KCNT2: variants seen among roughly 807,000 people sequenced by gnomAD.
KCNT2 encodes the protein potassium channel subfamily T member 2.
Under a neutral mutation model 153.8 loss-of-function variants are expected in KCNT2, and 67 were observed. The ratio of observed to expected loss-of-function variants is 0.44; its 90% CI spans 0.36 to 0.53. KCNT2 has a LOEUF of 0.53. Among genes scored for constraint, KCNT2 ranks in the 20% least tolerant of loss-of-function variants. The probability of loss-of-function intolerance (pLI) is 0.00; values close to 1 mark genes in which losing one functional copy is unlikely to be tolerated. For missense variants in KCNT2, 975 were observed against 1,354.8 expected (o/e 0.72, Z 4.40); for synonymous variants, 500 against 458.8 (o/e 1.09, Z -1.15).
chr1:196,575,752 CG>C (rs988983939), intron 1 of KCNT2, among the ~76,000 whole-genome samples: 1 of 151,362 alleles, frequency 6.6e-6, no homozygotes, highest in African/African-American at 2.4e-5. Flanking sequence ...CTAAGGCTGG[CG>C]GATCACCTGA....
chr1:196,227,996 A>G lies in KCNT2; in HGVS notation c.*228T>C. Reference sequence around the variant, plus strand: ...GTCAGATTTAAATTTTTGTATTTTAATTTAGCTTTTCAAATTTATTCCATT... The same window carrying G: ...GTCAGATTTAAATTTTTGTATTTTAGTTTAGCTTTTCAAATTTATTCCATT... On this transcript the variant is annotated 3_prime_UTR_variant, in exon 28 of 28. Transcript: ENST00000294725. 1 of 343,756 alleles carries G rather than the reference A, an allele frequency of 2.9e-6. No individual in the cohort carries two copies. The highest frequency in any genetic ancestry group is 5.2e-6 in the Non-Finnish European group (1 of 191,982). 21.3% of individuals were successfully genotyped at this position (343,756 alleles called of 1,614,324 possible).
intron 25 of KCNT2, among the ~76,000 whole-genome samples, chr1:196,266,174 T>G (rs1225033892): frequency 6.6e-6 from 1 of 152,182 alleles, no homozygotes; most frequent in Admixed American, 6.5e-5. Context: ...AATGGTGTTG[T>G]GCCTCTACAA....
rs181117211 is a variant in KCNT2, at chr1:196,514,767, G to T, written c.96-22426C>A. ...GATAGTTGATTTATTTCTATTTTTT[G>T]ATGCTTTTCATATACTTATTAATGA... On this transcript the variant is annotated intron_variant, in intron 1 of 27. Transcript: ENST00000294725. Among the ~76,000 whole-genome samples the T allele has an allele frequency of 2.1e-3, 304 of 146,796 alleles. 1 individual carries two copies. Among genetic ancestry groups the T allele is most frequent in the African/African-American group, 7.6e-3 (278 of 36,710 alleles).
intron 14 of KCNT2, among the ~76,000 whole-genome samples, chr1:196,355,179 A>G (rs1667071527): frequency 6.6e-6 from 1 of 151,660 alleles, no homozygotes; most frequent in Admixed American, 6.6e-5. Context: ...CAGAATATCT[A>G]GAAAGAAAAG....
intron 1 of KCNT2, among the ~76,000 whole-genome samples, chr1:196,498,237 C>A (rs1487522531): frequency 1.3e-5 from 2 of 152,092 alleles, no homozygotes; most frequent in African/African-American, 4.8e-5. Context: ...AAAAATAATT[C>A]TGATCCAGGC....
chr1:196,587,660 A>T (rs1424686853), intron 1 of KCNT2, among the ~76,000 whole-genome samples: 2 of 152,050 alleles, frequency 1.3e-5, no homozygotes, highest in Non-Finnish European at 2.9e-5. Context: ...TTTTTATGTA[A>T]GTACTCAATA....
intron 17 of KCNT2, among the ~76,000 whole-genome samples, chr1:196,333,440 T>G (rs1664685705): frequency 6.6e-6 from 1 of 152,158 alleles, no homozygotes; most frequent in African/African-American, 2.4e-5. Flanking sequence ...GAAGGGGCTG[T>G]GTTTTCATTT....
intron 13 of KCNT2, among the ~76,000 whole-genome samples, chr1:196,378,531 TTTATAGTAGCCAGTAAATGG>T (rs1572225523): frequency 1.3e-5 from 2 of 151,794 alleles, no homozygotes; most frequent in East Asian, 3.9e-4. Context: ...ATGAATGCCA[TTTATAGTAGCCAGTAAATGG>T]CTAATAGACA....
At chr1:196,306,249 C>T (rs1661626345) in intron 21 of KCNT2, among the ~76,000 whole-genome samples, 1 of 152,078 alleles carries the variant, frequency 6.6e-6, no homozygotes, top group South Asian at 2.1e-4. Flanking sequence ...ATTCCCATCA[C>T]TAGGTTGAAC....
At chr1:196,405,881 G>A (rs563727280) in intron 12 of KCNT2, among the ~76,000 whole-genome samples, 8 of 151,520 alleles carry the variant, frequency 5.3e-5, no homozygotes, top group African/African-American at 1.2e-4. Context: ...ATTTATAAGC[G>A]ATTGAGCAAA....
At chr1:196,435,151 A>ATATG (rs1674531080) in intron 8 of KCNT2, among the ~76,000 whole-genome samples, 1 of 107,966 alleles carries the variant, frequency 9.3e-6, no homozygotes, top group Non-Finnish European at 2.1e-5. Context: ...ATATATATAT[A>ATATG]TATATATATA....
intron 1 of KCNT2, among the ~76,000 whole-genome samples, chr1:196,589,945 C>T (rs991627098): frequency 6.6e-6 from 1 of 152,020 alleles, no homozygotes; most frequent in Non-Finnish European, 1.5e-5. Context: ...ATTCCAACAC[C>T]AGAGAACACA....
At chr1:196,544,940 C>CA (rs150610326) in intron 1 of KCNT2, among the ~76,000 whole-genome samples, 8,223 of 151,778 alleles carry the variant, frequency 0.054, 736 homozygotes, top group African/African-American at 0.19. Flanking sequence ...ACTGCTTTCA[C>CA]AAAAATAAAA....
At chr1:196,328,362 T>C (rs1664095202) in intron 18 of KCNT2, among the ~76,000 whole-genome samples, 1 of 151,556 alleles carries the variant, frequency 6.6e-6, no homozygotes, top group African/African-American at 2.4e-5. Flanking sequence ...GGTGAAAAAA[T>C]TAAGACTTGG....
chr1:196,511,116 A>AAC (rs35177032), intron 1 of KCNT2, among the ~76,000 whole-genome samples: 19,340 of 146,228 alleles, frequency 0.13, 1,372 homozygotes, highest in African/African-American at 0.19. Context: ...AAACACACAC[A>AAC]ACACACACAC....
intron 1 of KCNT2, among the ~76,000 whole-genome samples, chr1:196,497,958 C>A (rs939009055): frequency 3.3e-5 from 5 of 152,076 alleles, no homozygotes; most frequent in Non-Finnish European, 5.9e-5. Flanking sequence ...ATGAATTGAA[C>A]AACTCCAGAT....
intron 12 of KCNT2, among the ~76,000 whole-genome samples, chr1:196,414,097 T>C (rs1672558495): frequency 6.6e-6 from 1 of 151,662 alleles, no homozygotes; most frequent in Non-Finnish European, 1.5e-5. Context: ...AAAAAAAAGT[T>C]TCATAATGCA....
intron 1 of KCNT2, among the ~76,000 whole-genome samples, chr1:196,584,267 A>G (rs1662406324): frequency 6.6e-6 from 1 of 152,024 alleles, no homozygotes; most frequent in Admixed American, 6.6e-5. Flanking sequence ...CACAGTGACA[A>G]GAAAAAAGCA....
At chr1:196,443,067 T>C (rs80029648) in intron 8 of KCNT2, among the ~76,000 whole-genome samples, 41 of 151,620 alleles carry the variant, frequency 2.7e-4, no homozygotes, top group Admixed American at 8.6e-4. Flanking sequence ...GTAAAATCTA[T>C]GGGATTTGTT....
Sources: gnomAD v4.1 joint callset for allele counts (sites outside exome capture counted in the v4.1 genomes callset) on GRCh38, gnomAD v4.1.1 for gene constraint, MANE v1.5 for transcripts, NCBI Gene and HGNC (gene_info 2026-07-23, HGNC 2026-07-21) for gene names.